Variants in CEP89 observed in about 807,000 individuals in gnomAD.
CEP89 encodes the protein centrosomal protein of 89 kDa.
CEP89 carries 95 observed loss-of-function variants against 97.6 expected under a neutral mutation model. The ratio of observed to expected loss-of-function variants is 0.97; its 90% CI spans 0.82 to 1.15. The LOEUF is 1.15. CEP89 is among the 50% of genes most tolerant of loss of function. CEP89 has a pLI of 0.00. For synonymous variants in CEP89, 354 were observed against 349.1 expected (o/e 1.01, Z -0.16); for missense variants, 869 against 947.7 (o/e 0.92, Z 1.09).
rs774006035 is a variant in CEP89, at chr19:32,937,664, G to T, written c.634C>A (p.Pro212Thr). 1.2e-5 allele frequency: 19 copies of T among 1,605,720 alleles called. No individual in the cohort carries two copies. The East Asian group carries it at 4.0e-4, about 34-fold the overall frequency. Reference sequence around the variant, plus strand: ...GGTGGAGGTTTCTCACATAATGGAGGTTTTTCATCCTAGGAAAGAAAGAAC... The same window carrying T: ...GGTGGAGGTTTCTCACATAATGGAGTTTTTTCATCCTAGGAAAGAAAGAAC... ...HPVLNLKDEK[P>T]PLCEKPPPSP... The change falls in exon 7 of 19, where the codon CCT becomes ACT. Residue 212 changes from proline (P) to threonine (T), a missense_variant. Transcript: ENST00000305768.
chr19:32,964,549 T>C (rs1040951170), intron 2 of CEP89, among the ~76,000 whole-genome samples: 1 of 152,182 alleles, frequency 6.6e-6, no homozygotes, highest in Non-Finnish European at 1.5e-5. Flanking sequence ...AACAGGAGAA[T>C]GGATAAACAA....
chr19:32,896,966 T>C (rs1599718751), intron 16 of CEP89, among the ~76,000 whole-genome samples: 1 of 151,878 alleles, frequency 6.6e-6, no homozygotes, highest in African/African-American at 2.4e-5. Context: ...AAAACCACAA[T>C]GAGATATCAT....
rs1315188459 is a variant in CEP89 at position 32,926,852 on chromosome 19, G to A, written c.1080+82C>T. On this transcript the variant is annotated intron_variant, in intron 10 of 18. Transcript: ENST00000305768. ...GCTGGGATTACAGACATGAGCCACCGCGCCTGGCCTGAAATGGTTTTTAAT... is the reference window on the plus strand; with the variant it reads ...GCTGGGATTACAGACATGAGCCACCACGCCTGGCCTGAAATGGTTTTTAAT... The A allele has an allele frequency of 1.2e-5, 15 of 1,228,848 alleles. No individual in the cohort carries two copies. The Admixed American group carries it at 2.4e-4, about 20-fold the overall frequency. The allele number at this position is 1,228,848 out of a possible 1,614,324, so 76.1% of individuals were successfully genotyped here.
intron 1 of CEP89, chr19:32,971,632 G>A: frequency 1.6e-6 from 1 of 614,154 alleles, no homozygotes. Context: ...ACTCTAGCCT[G>A]GGCGACAGAG....
At chr19:32,890,881 C>T (rs1969500757) in intron 16 of CEP89, among the ~76,000 whole-genome samples, 1 of 152,150 alleles carries the variant, frequency 6.6e-6, no homozygotes, top group Non-Finnish European at 1.5e-5. Flanking sequence ...AGAGTCCAGC[C>T]CCCACCAGAC....
At chr19:32,971,559 G>C (rs1377077312) in intron 1 of CEP89, 4 of 579,892 alleles carry the variant, frequency 6.9e-6, no homozygotes, top group Non-Finnish European at 1.2e-5. Context: ...CGGGAGGCTG[G>C]GGTGGGAAGA....
At chr19:32,904,887 GC>G (rs1220309324) in intron 14 of CEP89, among the ~76,000 whole-genome samples, 3 of 152,090 alleles carry the variant, frequency 2.0e-5, no homozygotes, top group African/African-American at 7.2e-5. Context: ...ACCAGGCCTG[GC>G]CCAAAATACC....
At chr19:32,887,029 CAA>C (rs35547876) in intron 17 of CEP89, among the ~76,000 whole-genome samples, 30 of 130,916 alleles carry the variant, frequency 2.3e-4, no homozygotes, top group Admixed American at 2.4e-4. Flanking sequence ...AAAAAAAATA[CAA>C]AAAAAAAAAA....
At chr19:32,889,873 A>G (rs1204673631) in intron 16 of CEP89, among the ~76,000 whole-genome samples, 1 of 152,142 alleles carries the variant, frequency 6.6e-6, no homozygotes, top group African/African-American at 2.4e-5. Context: ...CCGGTGAGGA[A>G]GGCCAGCACA....
At chr19:32,961,081 A>C (rs997416212) in intron 2 of CEP89, among the ~76,000 whole-genome samples, 2 of 152,144 alleles carry the variant, frequency 1.3e-5, no homozygotes, top group African/African-American at 4.8e-5. Flanking sequence ...TGGAGGAAGA[A>C]CCATTCACCA....
chr19:32,930,694 C>T (rs531612973), intron 9 of CEP89, among the ~76,000 whole-genome samples: 1 of 152,234 alleles, frequency 6.6e-6, no homozygotes, highest in South Asian at 2.1e-4. Flanking sequence ...ATCGGTTCAT[C>T]TGGCACTCCT....
Position 32,931,509 on chromosome 19 carries a change from C to T in CEP89, c.949G>A (p.Gly317Arg). 1.3e-6 allele frequency: 2 copies of T among 1,587,346 alleles called. No individual in the cohort carries two copies. The highest frequency in any genetic ancestry group is 1.7e-6 in the Non-Finnish European group (2 of 1,173,652). ...QAQELVDEND[G>R]LKMTVHRLNV... is the part of the protein sequence containing the mutation. ...AAACGATGGACAGTCATTTTCAATC[C>T]ATCATTTTCATCCACCAGTTCTTGA... The change falls in exon 9 of 19, where the codon GGA (glycine) becomes AGA (arginine). Residue 317 changes from glycine to arginine, a missense_variant. By Grantham distance (125) the Gly-to-Arg change is moderately radical. Coordinates refer to ENST00000305768, the MANE Select transcript of CEP89 (RefSeq NM_032816.5).
rs193182080 is a variant in CEP89, at chr19:32,897,978, C to G, written c.1875+1879G>C. On this transcript the variant is annotated intron_variant, in intron 16 of 18. Transcript: ENST00000305768. The stretch of plus-strand genomic sequence containing the variant: ...ATTATGGAAAACAGTGTGGAGGTTC[C>G]TCAACAAACTAAAAACAATTACCAT... Among the ~76,000 whole-genome samples, 39 of 152,196 alleles carry G rather than the reference C, an allele frequency of 2.6e-4. No homozygotes were observed. The East Asian group carries it at 7.3e-3, about 29-fold the overall frequency.
chr19:32,953,084 T>C (rs1014630172), intron 4 of CEP89, among the ~76,000 whole-genome samples: 6 of 151,640 alleles, frequency 4.0e-5, no homozygotes, highest in Admixed American at 1.3e-4. Context: ...TGGAGAAGTA[T>C]GTTTCCTTGA....
rs140124160 is a variant in CEP89, at chr19:32,956,343, C to T, written c.306-2542G>A. Among the ~76,000 whole-genome samples, 427 of 151,358 alleles carry T rather than the reference C, an allele frequency of 2.8e-3. 3 individuals are homozygous for T. The highest frequency in any genetic ancestry group is 9.6e-3 in the African/African-American group (398 of 41,320). On this transcript the variant is annotated intron_variant, in intron 3 of 18. Transcript: ENST00000305768. ...TGCTGGGATTACAGGCGTGAGCCAC[C>T]GCACCCGGCCTGTTTTTTCTTTTTT...
rs1463392470 is a variant in CEP89, at chr19:32,953,598, G to T, written c.492+17C>A. On this transcript the variant is annotated intron_variant, in intron 4 of 18. Transcript: ENST00000305768. The stretch of plus-strand genomic sequence containing the variant: ...CAGGGTGAATGTCAAGAAGAAAACT[G>T]GGAACATAGAAAACACCTGATTTCT... 1.9e-6 allele frequency: 3 copies of T among 1,579,164 alleles called. No homozygotes were observed. Among genetic ancestry groups the T allele is most frequent in the South Asian group, 2.3e-5 (2 of 88,488 alleles).
chr19:32,947,534 A>G (rs1970822263), intron 5 of CEP89, among the ~76,000 whole-genome samples: 1 of 152,128 alleles, frequency 6.6e-6, no homozygotes, highest in Non-Finnish European at 1.5e-5. Context: ...TCTGTCACTC[A>G]GGCTGGGGTA....
intron 14 of CEP89, 101 bp downstream of exon 14, chr19:32,915,236 A>C: frequency 1.9e-6 from 2 of 1,069,224 alleles, no homozygotes; most frequent in Non-Finnish European, 2.6e-6. Context: ...GGATGGGCAG[A>C]TCACTTGAGC....
chr19:32,918,135 A>C lies in CEP89; in HGVS notation c.1384+89T>G. 2.7e-6 allele frequency: 3 copies of C among 1,091,896 alleles called. No individual in the cohort carries two copies. In the South Asian group the frequency reaches 4.1e-5, roughly 15 times the overall value. The allele number at this position is 1,091,896 out of a possible 1,614,324, so 67.6% of individuals were successfully genotyped here. ...GCAAAACATGACTTCTCTCATTTTC[A>C]ACTGGGGCCCCCGGCAGGAGAGAGA... is the stretch of plus-strand genomic sequence containing the variant. On this transcript the variant is annotated intron_variant, in intron 13 of 18. Transcript: ENST00000305768.
Sources: gnomAD v4.1 joint callset for allele counts (sites outside exome capture counted in the v4.1 genomes callset) on GRCh38, gnomAD v4.1.1 for gene constraint, MANE v1.5 for transcripts, NCBI Gene and HGNC (gene_info 2026-07-23, HGNC 2026-07-21) for gene names.